Variants in PCDH11Y observed in about 807,000 individuals in gnomAD.
PCDH11Y encodes the protein protocadherin 11 Y-linked, also known as protocadherin-11 Y-linked.
For missense variants in PCDH11Y, 12 were observed against 224.8 expected (o/e 0.05, Z 6.05); for synonymous variants, 9 against 83.6 (o/e 0.11, Z 4.87).
At chrY:5,421,049 TAC>T (rs1310744427) in intron 2 of PCDH11Y, among the ~76,000 whole-genome samples, 95 of 16,902 alleles carry the variant, frequency 5.6e-3, no homozygotes, top group East Asian at 0.016. Context: ...CTACTAAAAA[TAC>T]ACACACACAC....
intron 2 of PCDH11Y, among the ~76,000 whole-genome samples, chrY:5,329,155 GGTCA>G (rs2053126739): frequency 3.1e-5 from 1 of 32,455 alleles, no homozygotes; most frequent in Non-Finnish European, 7.5e-5. Flanking sequence ...TTAGATTTTA[GGTCA>G]GGTGAGAATT....
chrY:5,710,704 G>C (rs2053585786), intron 4 of PCDH11Y, among the ~76,000 whole-genome samples: 1 of 32,689 alleles, frequency 3.1e-5, no homozygotes, highest in African/African-American at 1.2e-4. Flanking sequence ...TGACTATGTG[G>C]GGTACTCTCT....
intron 2 of PCDH11Y, among the ~76,000 whole-genome samples, chrY:5,232,645 C>A: frequency 3.1e-5 from 1 of 32,253 alleles, no homozygotes; most frequent in South Asian, 7.3e-4. Flanking sequence ...AGCTGTGCAG[C>A]CTGGGGTTAG....
intron 2 of PCDH11Y, among the ~76,000 whole-genome samples, chrY:5,148,773 T>TA (rs2052860734): frequency 3.1e-5 from 1 of 32,429 alleles, no homozygotes; most frequent in African/African-American, 1.2e-4. Context: ...CCTATTTTAT[T>TA]AAAAAAGTTT....
intron 2 of PCDH11Y, among the ~76,000 whole-genome samples, chrY:5,168,207 T>C: frequency 6.3e-5 from 2 of 31,532 alleles, no homozygotes; most frequent in African/African-American, 2.4e-4. Flanking sequence ...ATGGGTTTAC[T>C]TTTTAAATGG....
intron 1 of PCDH11Y, among the ~76,000 whole-genome samples, chrY:5,016,574 A>G (rs2052561294): frequency 3.0e-5 from 1 of 32,920 alleles, no homozygotes; most frequent in Admixed American, 2.8e-4. Context: ...TAATTTTCTG[A>G]ATGAAACTTA....
intron 4 of PCDH11Y, among the ~76,000 whole-genome samples, chrY:5,676,881 A>G: frequency 1.0e-4 from 3 of 29,832 alleles, no homozygotes; most frequent in African/African-American, 2.6e-4. Context: ...ATATTTTTCT[A>G]TCTTCTTTAG....
intron 2 of PCDH11Y, among the ~76,000 whole-genome samples, chrY:5,447,026 A>T: frequency 3.0e-5 from 1 of 33,493 alleles, no homozygotes; most frequent in Non-Finnish European, 7.4e-5. Context: ...ATCCTGATGC[A>T]TATTAAAGTT....
intron 4 of PCDH11Y, among the ~76,000 whole-genome samples, chrY:5,640,777 T>A: frequency 8.9e-5 from 3 of 33,715 alleles, no homozygotes; most frequent in Non-Finnish European, 2.2e-4. Context: ...TGAGCACTGG[T>A]TTCAAATTAA....
intron 1 of PCDH11Y, among the ~76,000 whole-genome samples, chrY:5,017,809 G>A (rs2052563200): frequency 3.0e-5 from 1 of 32,884 alleles, no homozygotes; most frequent in Non-Finnish European, 7.5e-5. Context: ...TTATTTCCAT[G>A]GTATGAATAT....
At chrY:5,575,519 TA>T (rs2053445169) in intron 3 of PCDH11Y, among the ~76,000 whole-genome samples, 8 of 33,011 alleles carry the variant, frequency 2.4e-4, no homozygotes, top group Non-Finnish European at 4.5e-4. Context: ...AGCAGATTTT[TA>T]AATTAGTTTG....
chrY:5,056,894 T>TG lies in PCDH11Y; in HGVS notation c.72dup (p.Arg25AlafsTer3), dbSNP rs2052661699. 1 of 395,477 alleles carries TG rather than the reference T, an allele frequency of 2.5e-6. No individual in the cohort carries two copies. Among genetic ancestry groups the TG allele is most frequent in the Non-Finnish European group, 3.5e-6 (1 of 282,908 alleles). ...TCTCCTCTTCTTTTGGTCAGTGTTG[T>TG]GCGGGTTAATACAACAAACTGTCAC... On this transcript the variant is annotated frameshift_variant, in exon 1 of 2. Coordinates refer to ENST00000215473, the Ensembl canonical transcript of PCDH11Y. LOFTEE classifies it high-confidence loss of function.
intron 2 of PCDH11Y, among the ~76,000 whole-genome samples, chrY:5,147,760 A>G: frequency 3.0e-5 from 1 of 32,889 alleles, no homozygotes; most frequent in Non-Finnish European, 7.5e-5. Flanking sequence ...GGGAGGCATA[A>G]CAGGAGATCA....
intron 2 of PCDH11Y, among the ~76,000 whole-genome samples, chrY:5,115,968 C>T: frequency 3.1e-5 from 1 of 32,309 alleles, no homozygotes; most frequent in South Asian, 6.9e-4. Flanking sequence ...TCTCGATCTC[C>T]TGACCTCGTG....
downstream of PCDH11Y, among the ~76,000 whole-genome samples, chrY:5,107,876 A>G (rs532942101): frequency 5.8e-3 from 171 of 29,456 alleles, no homozygotes; most frequent in South Asian, 0.078. Flanking sequence ...TGGCTAACAC[A>G]GTGAAACCCC....
chrY:5,563,762 A>G, intron 3 of PCDH11Y, among the ~76,000 whole-genome samples: 1 of 30,108 alleles, frequency 3.3e-5, no homozygotes, highest in African/African-American at 1.3e-4. Flanking sequence ...AGTCAGAATC[A>G]GAGGTAAGAT....
intron 2 of PCDH11Y, among the ~76,000 whole-genome samples, chrY:5,180,051 A>G: frequency 1.3e-4 from 4 of 31,978 alleles, no homozygotes; most frequent in Admixed American, 1.2e-3. Flanking sequence ...GAAGTTGGGT[A>G]GCATGATGCC....
chrY:5,186,315 T>C, intron 2 of PCDH11Y, among the ~76,000 whole-genome samples: 1 of 30,378 alleles, frequency 3.3e-5, no homozygotes, highest in Non-Finnish European at 7.9e-5. Flanking sequence ...ACACTAACAA[T>C]GAACTCTCAA....
intron 2 of PCDH11Y, among the ~76,000 whole-genome samples, chrY:5,343,255 CT>C (rs766252905): frequency 1.2e-4 from 3 of 25,518 alleles, no homozygotes; most frequent in Admixed American, 7.3e-4. Context: ...ATAATGCAGT[CT>C]TTTTTTTTTT....
Sources: gnomAD v4.1 joint callset for allele counts (sites outside exome capture counted in the v4.1 genomes callset) on GRCh38, gnomAD v4.1.1 for gene constraint, MANE v1.5 for transcripts, NCBI Gene and HGNC (gene_info 2026-07-23, HGNC 2026-07-21) for gene names.